Variants in ECH1 observed in about 807,000 individuals in gnomAD.
ECH1 encodes the protein enoyl-CoA hydratase 1.
A neutral mutation model predicts 37.0 loss-of-function variants in ECH1; 30 were observed. The observed-to-expected ratio is 0.81, with a 90% CI of 0.61 to 1.10. ECH1 has a LOEUF of 1.10. Ranked by LOEUF, ECH1 falls within the 50% of genes least tolerant of loss-of-function variation. ECH1 has a pLI of 0.00. For missense variants in ECH1, 456 were observed against 441.6 expected (o/e 1.03, Z -0.29); for synonymous variants, 178 against 176.0 (o/e 1.01, Z -0.09).
intron 6 of ECH1, 93 bp downstream of exon 6, chr19:38,816,972 C>A: frequency 7.1e-7 from 1 of 1,403,758 alleles, no homozygotes; most frequent in Non-Finnish European, 9.8e-7. Context: ...GGTTCAACTC[C>A]GACTCTTCCA....
chr19:38,817,124 C>A lies in ECH1; in HGVS notation c.529G>T (p.Asp177Tyr). 1 of 1,571,794 alleles carries A rather than the reference C, an allele frequency of 6.4e-7. No individual in the cohort carries two copies. The highest frequency in any genetic ancestry group is 1.2e-5 in the South Asian group (1 of 85,418). The part of the protein sequence containing the change: ...VHGGCIGGGV[D>Y]LVTACDIRYC... ...CGGATGTCACAGGCGGTGACAAGGT[C>A]CACACCTAGGAGGTAGAGGCCAGGG... The change falls in exon 6 of 10, where the codon GAC (aspartate) becomes TAC (tyrosine). Residue 177 changes from aspartate (D) to tyrosine (Y), a missense_variant. Transcript: ENST00000221418.
intron 3 of ECH1, among the ~76,000 whole-genome samples, chr19:38,825,782 T>C (rs1320521510): frequency 1.3e-5 from 2 of 152,234 alleles, no homozygotes; most frequent in Admixed American, 1.3e-4. Flanking sequence ...AGAAACAAGC[T>C]GCCCCCTCGT....
At chr19:38,816,862 T>TACTGACACCTGCCTCTGACACCTGC in intron 6 of ECH1, 1 of 667,148 alleles carries the variant, frequency 1.5e-6, no homozygotes, top group Non-Finnish European at 2.6e-6. Context: ...CCAGGAGCAA[T>TACTGACACCTGCCTCTGACACCTGC]CTCTGCCTCT....
rs1568356743 is a variant in ECH1 at position 38,817,440 on chromosome 19, C to G, written c.474+11G>C. 6.2e-7 allele frequency: 1 copy of G among 1,612,902 alleles called. No individual in the cohort carries two copies. The highest frequency in any genetic ancestry group is 1.3e-5 in the African/African-American group (1 of 74,886). Reference sequence around the variant, plus strand: ...TATGGAGAAAGATCCCCTCCAGACCCCTAGAGTCACCCTCTCGATGACGTT... The same window carrying G: ...TATGGAGAAAGATCCCCTCCAGACCGCTAGAGTCACCCTCTCGATGACGTT... On this transcript the variant is annotated intron_variant, in intron 4 of 9. Transcript: ENST00000221418.
At position 38,825,826 on chromosome 19, in the gene ECH1, G is replaced by A. The variant is rs187049501; in HGVS notation, c.349+5252C>T. ...ACTATGCCGAGGCAATCACTGGAAG[G>A]TGCACTGCCCCAGCGGACGAAGGTT... On this transcript the variant is annotated intron_variant, in intron 3 of 9. Coordinates refer to ENST00000221418, the MANE Select transcript of ECH1 (RefSeq NM_001398.3). Among the ~76,000 whole-genome samples, 22 of 152,326 alleles carry A rather than the reference G, an allele frequency of 1.4e-4. No individual in the cohort carries two copies. The South Asian group carries it at 3.3e-3, about 23-fold the overall frequency.
chr19:38,825,053 G>A (rs548913536), intron 3 of ECH1, among the ~76,000 whole-genome samples: 6 of 152,302 alleles, frequency 3.9e-5, no homozygotes, highest in South Asian at 4.1e-4. Context: ...GCAAACTTTC[G>A]ACCTCGCTTG....
At position 38,817,633 on chromosome 19, in the gene ECH1, A is replaced by G. The variant is rs748894699; in HGVS notation, c.350-58T>C. On this transcript the variant is annotated intron_variant, in intron 3 of 9. Coordinates refer to ENST00000221418, the MANE Select transcript of ECH1 (RefSeq NM_001398.3). ...CTCCCAGGCCCCACCCATTGACTCA[A>G]CCAGGGATCAGAACCCAGGCACAGC... 3.3e-6 allele frequency: 5 copies of G among 1,530,880 alleles called. No homozygotes were observed. In the African/African-American group the frequency reaches 4.1e-5, roughly 13 times the overall value. 94.8% of individuals were successfully genotyped at this position (1,530,880 alleles called of 1,614,324 possible). A position where few individuals can be genotyped will look rare whatever the true frequency, so the allele number is the denominator to read the frequency against.
intron 3 of ECH1, among the ~76,000 whole-genome samples, chr19:38,821,888 C>T (rs890221407): frequency 5.3e-5 from 8 of 152,258 alleles, no homozygotes; most frequent in Non-Finnish European, 1.0e-4. Context: ...GCTCCGCCTG[C>T]GGCCCTGGTG....
chr19:38,818,107 C>G, intron 3 of ECH1: 1 of 610,524 alleles, frequency 1.6e-6, no homozygotes, highest in Non-Finnish European at 2.0e-6. Flanking sequence ...ATCCTCCCAC[C>G]TTGGCATCCC....
intron 3 of ECH1, 161 bp from the exon 4 acceptor site, chr19:38,817,736 G>C (rs1174405445): frequency 1.1e-5 from 11 of 985,226 alleles, no homozygotes; most frequent in South Asian, 4.7e-5. Flanking sequence ...TTGCATGTTG[G>C]GTGGGAAGGA....
At chr19:38,820,514 T>C (rs1480707350) in intron 3 of ECH1, 1 of 152,204 alleles carries the variant, frequency 6.6e-6, no homozygotes, top group Non-Finnish European at 1.5e-5. Context: ...GCTCTCTGGA[T>C]CTGTTTCACC....
chr19:38,816,492 C>T lies in ECH1; in HGVS notation c.620G>A (p.Gly207Glu). Residue 207 changes from glycine to glutamate, a missense_variant, in exon 7 of 10, where the codon GGA becomes GAA. Coordinates refer to ENST00000221418, the MANE Select transcript of ECH1 (RefSeq NM_001398.3). The part of the protein sequence containing the change: ...EVDVGLAADV[G>E]TLQRLPKVIG... ...GACCTTGGGCAGGCGCTGCAGTGTT[C>T]CTACATCGGCAGCCAAACCCACGTC... 6.2e-7 allele frequency: 1 copy of T among 1,614,174 alleles called. No homozygotes were observed. Among genetic ancestry groups the T allele is most frequent in the Non-Finnish European group, 8.5e-7 (1 of 1,180,022 alleles).
At chr19:38,822,350 A>C (rs1366223905) in intron 3 of ECH1, among the ~76,000 whole-genome samples, 1 of 150,340 alleles carries the variant, frequency 6.7e-6, no homozygotes, top group East Asian at 2.0e-4. Context: ...GGACTTGGAG[A>C]CTCTTTATGT....
chr19:38,831,552 C>T (rs1288574632), intron 1 of ECH1, 36 bp from the exon 2 acceptor site: 2 of 1,589,488 alleles, frequency 1.3e-6, no homozygotes, highest in Non-Finnish European at 1.7e-6. Flanking sequence ...TGACCCCAGA[C>T]TGCAAGACAC....
chr19:38,826,227 G>C (rs1274696953), intron 3 of ECH1, among the ~76,000 whole-genome samples: 1 of 152,108 alleles, frequency 6.6e-6, no homozygotes, highest in African/African-American at 2.4e-5. Context: ...CATCAATATG[G>C]GGAACAAGTT....
chr19:38,822,823 C>T (rs1044236694), intron 3 of ECH1, among the ~76,000 whole-genome samples: 4 of 152,236 alleles, frequency 2.6e-5, no homozygotes, highest in African/African-American at 9.6e-5. Context: ...TAAAAGCAGG[C>T]TGTCCGAGCC....
intron 3 of ECH1, among the ~76,000 whole-genome samples, chr19:38,826,419 T>C (rs775147061): frequency 6.6e-6 from 1 of 152,216 alleles, no homozygotes; most frequent in Non-Finnish European, 1.5e-5. Context: ...TACAGAATAT[T>C]GTTAAACATT....
intron 3 of ECH1, among the ~76,000 whole-genome samples, chr19:38,822,527 A>C (rs2145378051): frequency 6.6e-6 from 1 of 152,166 alleles, no homozygotes; most frequent in South Asian, 2.1e-4. Flanking sequence ...TGTCTAGCTA[A>C]GGGATTGTAA....
Position 38,815,625 on chromosome 19 carries a change from G to A in ECH1, c.975C>T (p.Phe325=). ...TENKELKTVT[F]SKL ...GACGCGAGGGCTCTCAGAGCTTGGA[G>A]AAGGTGACGGTTTTCAGTTCCTTGT... The change falls in exon 10 of 10, where the codon TTC becomes TTT. Residue 325 remains phenylalanine (F), a synonymous_variant. Transcript: ENST00000221418. The A allele has an allele frequency of 1.2e-6, 2 of 1,614,228 alleles. No individual in the cohort carries two copies. The highest frequency in any genetic ancestry group is 1.1e-5 in the South Asian group (1 of 91,086).
Sources: gnomAD v4.1 joint callset for allele counts (sites outside exome capture counted in the v4.1 genomes callset) on GRCh38, gnomAD v4.1.1 for gene constraint, MANE v1.5 for transcripts, NCBI Gene and HGNC (gene_info 2026-07-23, HGNC 2026-07-21) for gene names.